ZGRF1: variants seen among roughly 807,000 people sequenced by gnomAD.
The protein encoded by ZGRF1 is zinc finger GRF-type containing 1.
In ZGRF1, 196 loss-of-function variants were observed where a neutral mutation model predicts 203.5. That is an observed-to-expected ratio of 0.96 (90% CI 0.86 to 1.08). The LOEUF is 1.08. Ranked by LOEUF, ZGRF1 falls within the 50% of genes least tolerant of loss-of-function variation. The pLI is 0.00. For missense variants in ZGRF1, 2,326 were observed against 2,416.3 expected, an observed-to-expected ratio of 0.96 and a Z score of 0.78; for synonymous variants, 809 against 841.3, an observed-to-expected ratio of 0.96 and a Z score of 0.66.
intron 10 of ZGRF1, among the ~76,000 whole-genome samples, chr4:112,596,278 T>A (rs1748993953): frequency 6.6e-6 from 1 of 151,916 alleles, no homozygotes; most frequent in South Asian, 2.1e-4. Context: ...ATCAAGAAAA[T>A]CTAACCAAAG....
At chr4:112,608,244 T>C (rs919834069) in intron 8 of ZGRF1, among the ~76,000 whole-genome samples, 30 of 152,212 alleles carry the variant, frequency 2.0e-4, no homozygotes, top group Admixed American at 2.6e-4. Flanking sequence ...ATATGATATC[T>C]AAGTGGCAAC....
rs773732581 is a variant in ZGRF1 at position 112,609,377 on chromosome 4, A to G, written c.2718+2T>C. ...GGCTAATTTATATTTTAAATAACTT[A>G]CCTGCACAGACTGAAGTGGTTCACT... On this transcript the variant is annotated splice_donor_variant, in intron 8 of 27. Coordinates refer to ENST00000505019, the MANE Select transcript of ZGRF1 (RefSeq NM_018392.5). LOFTEE classifies it high-confidence loss of function. 6.4e-7 allele frequency: 1 copy of G among 1,568,604 alleles called. No homozygotes were observed. Among genetic ancestry groups the G allele is most frequent in the Non-Finnish European group, 8.7e-7 (1 of 1,148,046 alleles).
At chr4:112,556,221 T>C in intron 20 of ZGRF1, among the ~76,000 whole-genome samples, 1 of 152,200 alleles carries the variant, frequency 6.6e-6, no homozygotes, top group East Asian at 1.9e-4. Flanking sequence ...AGACTTAGGA[T>C]TATTTTCCTA....
chr4:112,603,829 A>AT (rs1750349547), intron 9 of ZGRF1, 132 bp from the exon 10 acceptor site: 2 of 603,816 alleles, frequency 3.3e-6, no homozygotes, highest in Admixed American at 3.3e-5. Flanking sequence ...CCAGGAACTA[A>AT]TGCTGAAAAC....
At chr4:112,594,185 C>T (rs754062142) in intron 10 of ZGRF1, among the ~76,000 whole-genome samples, 15 of 152,148 alleles carry the variant, frequency 9.9e-5, no homozygotes, top group Non-Finnish European at 1.9e-4. Context: ...CCCCTGCTGA[C>T]CTTTAAGGTC....
chr4:112,588,726 G>A (rs1042920446), intron 11 of ZGRF1, among the ~76,000 whole-genome samples: 4 of 152,112 alleles, frequency 2.6e-5, no homozygotes, highest in African/African-American at 7.2e-5. Flanking sequence ...TTATAATAAT[G>A]TGCCTTCCTG....
At chr4:112,592,142 G>A (rs1748278560) in intron 10 of ZGRF1, among the ~76,000 whole-genome samples, 1 of 145,292 alleles carries the variant, frequency 6.9e-6, no homozygotes, top group African/African-American at 2.6e-5. Flanking sequence ...GTGTTGCCCA[G>A]GCTGGAGTGC....
intron 7 of ZGRF1, among the ~76,000 whole-genome samples, chr4:112,611,738 T>C (rs181107839): frequency 3.3e-5 from 5 of 152,352 alleles, no homozygotes; most frequent in Admixed American, 2.6e-4. Flanking sequence ...TGACACCTAA[T>C]GAACTACTAA....
chr4:112,602,911 A>G (rs920635207), intron 10 of ZGRF1, among the ~76,000 whole-genome samples: 30 of 152,114 alleles, frequency 2.0e-4, no homozygotes, highest in Non-Finnish European at 3.8e-4. Context: ...AAAGGGGCAG[A>G]AGGAGAGCTT....
At chr4:112,587,160 G>T in intron 12 of ZGRF1, 120 bp downstream of exon 12, 1 of 802,380 alleles carries the variant, frequency 1.2e-6, no homozygotes. Flanking sequence ...CTCAGAGTTA[G>T]GATCAAAAAA....
intron 19 of ZGRF1, among the ~76,000 whole-genome samples, 186 bp downstream of exon 19, chr4:112,560,547 G>A (rs1741761959): frequency 6.6e-6 from 1 of 152,188 alleles, no homozygotes; most frequent in African/African-American, 2.4e-5. Flanking sequence ...ATGCTAATAA[G>A]TCTCCCTTTT....
chr4:112,581,756 ACTT>A lies in ZGRF1; in HGVS notation c.4342_4344del (p.Lys1448del). ...TAAAACTCAGGATTTACAGTAGTAA[ACTT>A]CTTTAGTTTGCCATACTGTTTTCTC... On this transcript the variant is annotated inframe_deletion, in exon 16 of 28. Transcript: ENST00000505019. 1 of 1,534,496 alleles carries A rather than the reference ACTT, an allele frequency of 6.5e-7. No homozygotes were observed. Among genetic ancestry groups the A allele is most frequent in the Non-Finnish European group, 8.8e-7 (1 of 1,137,272 alleles).
At chr4:112,621,062 T>C (rs1422807599) in intron 4 of ZGRF1, among the ~76,000 whole-genome samples, 2 of 151,836 alleles carry the variant, frequency 1.3e-5, no homozygotes, top group Non-Finnish European at 2.9e-5. Flanking sequence ...TAAATAAATA[T>C]TACATACTGG....
intron 10 of ZGRF1, among the ~76,000 whole-genome samples, chr4:112,602,648 C>T (rs536455674): frequency 1.3e-5 from 2 of 152,262 alleles, no homozygotes; most frequent in Admixed American, 1.3e-4. Flanking sequence ...ATAACACAAA[C>T]ATCTGAAGAA....
intron 18 of ZGRF1, among the ~76,000 whole-genome samples, chr4:112,561,724 G>C (rs1403060539): frequency 6.6e-6 from 1 of 151,930 alleles, no homozygotes; most frequent in Non-Finnish European, 1.5e-5. Flanking sequence ...ATACACACTG[G>C]ATTCCAGCTG....
chr4:112,631,372 T>C (rs1023025389), intron 3 of ZGRF1, among the ~76,000 whole-genome samples: 14 of 152,004 alleles, frequency 9.2e-5, no homozygotes, highest in African/African-American at 4.8e-5. Context: ...AAAATTATCA[T>C]TAACAATAGT....
intron 8 of ZGRF1, among the ~76,000 whole-genome samples, chr4:112,608,249 G>A (rs929849508): frequency 7.2e-5 from 11 of 152,110 alleles, no homozygotes; most frequent in African/African-American, 2.7e-4. Context: ...ATATCTAAGT[G>A]GCAACTCATT....
At chr4:112,616,601 C>T (rs2046881572) in intron 6 of ZGRF1, among the ~76,000 whole-genome samples, 1 of 151,042 alleles carries the variant, frequency 6.6e-6, no homozygotes, top group African/African-American at 2.4e-5. Flanking sequence ...CTTTGGGAGG[C>T]CGAGGTGGGC....
In ZGRF1 at chr4:112,540,131, A is replaced by G. The variant is rs1270341631; in HGVS notation, c.5911-7T>C. ...CACTGAGTAAATGACAAAGCTGTGGAAGAAAAAACAGCAATCATGTAGTAA... is the reference window on the plus strand; with the variant it reads ...CACTGAGTAAATGACAAAGCTGTGGGAGAAAAAACAGCAATCATGTAGTAA... On this transcript the variant is annotated splice_polypyrimidine_tract_variant and splice_region_variant and intron_variant, in intron 26 of 27. Transcript: ENST00000505019. 1 of 1,527,190 alleles carries G rather than the reference A, an allele frequency of 6.5e-7. No individual in the cohort carries two copies. Among genetic ancestry groups the G allele is most frequent in the Non-Finnish European group, 8.8e-7 (1 of 1,132,896 alleles). The allele number at this position is 1,527,190 out of a possible 1,614,324, so 94.6% of individuals were successfully genotyped here.
Sources: gnomAD v4.1 joint callset for allele counts (sites outside exome capture counted in the v4.1 genomes callset) on GRCh38, gnomAD v4.1.1 for gene constraint, MANE v1.5 for transcripts, NCBI Gene and HGNC (gene_info 2026-07-23, HGNC 2026-07-21) for gene names.